Variants in MEOX2 observed in about 807,000 individuals in gnomAD.
The protein encoded by MEOX2 is mesenchyme homeobox 2.
In MEOX2, 11 loss-of-function variants were observed where a neutral mutation model predicts 27.0. That is an observed-to-expected ratio of 0.41 (90% confidence interval 0.26 to 0.68). The LOEUF (loss-of-function observed/expected upper bound fraction) is 0.68, where lower values mean the gene tolerates loss of function less well. Among genes scored for constraint, MEOX2 ranks in the 30% least tolerant of loss-of-function variants. MEOX2 has a pLI of 0.33. For synonymous variants in MEOX2, 189 were observed against 155.4 expected, an observed-to-expected ratio of 1.22 and a Z score of -1.61; for missense variants, 436 against 385.4, an observed-to-expected ratio of 1.13 and a Z score of -1.10.
intron 1 of MEOX2, chr7:15,678,791 G>C (rs1384685355): frequency 6.6e-6 from 1 of 152,174 alleles, no homozygotes; most frequent in Non-Finnish European, 1.5e-5. Context: ...AATTCTACTG[G>C]CATCTGCCAA....
chr7:15,650,195 T>C (rs1174359045), intron 1 of MEOX2, among the ~76,000 whole-genome samples: 1 of 152,066 alleles, frequency 6.6e-6, no homozygotes, highest in African/African-American at 2.4e-5. Flanking sequence ...CTATACTTGC[T>C]TCCTTTTCCA....
chr7:15,620,694 T>C (rs750732231), intron 2 of MEOX2, among the ~76,000 whole-genome samples: 7 of 152,246 alleles, frequency 4.6e-5, no homozygotes, highest in Non-Finnish European at 1.0e-4. Context: ...ATACTTGGCA[T>C]TGGGCCATTT....
chr7:15,648,445 G>A (rs1583766215), intron 1 of MEOX2, among the ~76,000 whole-genome samples: 3 of 152,082 alleles, frequency 2.0e-5, no homozygotes, highest in Non-Finnish European at 2.9e-5. Flanking sequence ...AAGAGAGATT[G>A]TATCTGGAAA....
chr7:15,649,164 T>G (rs565741551), intron 1 of MEOX2, among the ~76,000 whole-genome samples: 1 of 152,222 alleles, frequency 6.6e-6, no homozygotes, highest in South Asian at 2.1e-4. Context: ...TCTTAAACAT[T>G]TCACGGTTTT....
chr7:15,615,484 G>C (rs1781108711), intron 2 of MEOX2, among the ~76,000 whole-genome samples: 1 of 151,922 alleles, frequency 6.6e-6, no homozygotes. Flanking sequence ...CTATCATTCA[G>C]GTAATTCTCC....
chr7:15,614,419 G>GAA (rs111428477), intron 2 of MEOX2, among the ~76,000 whole-genome samples: 56 of 150,334 alleles, frequency 3.7e-4, no homozygotes, highest in African/African-American at 1.3e-3. Context: ...GTCTCAAAAA[G>GAA]AAAAAAAAAG....
At chr7:15,650,797 A>G (rs1051104797) in intron 1 of MEOX2, among the ~76,000 whole-genome samples, 2 of 152,090 alleles carry the variant, frequency 1.3e-5, no homozygotes, top group Non-Finnish European at 2.9e-5. Context: ...TGCTATTAGC[A>G]TGGAGGGATT....
intron 1 of MEOX2, among the ~76,000 whole-genome samples, chr7:15,677,009 T>G (rs2115394941): frequency 6.6e-6 from 1 of 152,216 alleles, no homozygotes; most frequent in Non-Finnish European, 1.5e-5. Flanking sequence ...ATGGAAATCT[T>G]AAGGGTGGGA....
intron 1 of MEOX2, among the ~76,000 whole-genome samples, chr7:15,630,773 A>G (rs1051723700): frequency 2.6e-5 from 4 of 152,054 alleles, no homozygotes; most frequent in Non-Finnish European, 5.9e-5. Flanking sequence ...AGTCAGAAAA[A>G]TTTATGAAAT....
chr7:15,632,351 A>G (rs372814910), intron 1 of MEOX2, among the ~76,000 whole-genome samples: 1 of 151,794 alleles, frequency 6.6e-6, no homozygotes, highest in Non-Finnish European at 1.5e-5. Context: ...TGTTTAGTGA[A>G]GACCCTTATT....
intron 1 of MEOX2, among the ~76,000 whole-genome samples, chr7:15,666,651 C>G (rs1471353492): frequency 6.8e-6 from 1 of 146,960 alleles, no homozygotes; most frequent in East Asian, 2.0e-4. Context: ...ATTTGTGAGG[C>G]TGAGGCAGGA....
chr7:15,684,012 A>G (rs1782336339), intron 1 of MEOX2, among the ~76,000 whole-genome samples: 1 of 152,142 alleles, frequency 6.6e-6, no homozygotes, highest in Non-Finnish European at 1.5e-5. Context: ...AAATTATTCC[A>G]TTTTTTAAAA....
chr7:15,670,304 T>G (rs1289851652), intron 1 of MEOX2, among the ~76,000 whole-genome samples: 1 of 152,252 alleles, frequency 6.6e-6, no homozygotes, highest in Non-Finnish European at 1.5e-5. Context: ...ATGCAAGAAT[T>G]TATCCATGAA....
chr7:15,684,953 A>T (rs770882636), intron 1 of MEOX2, among the ~76,000 whole-genome samples: 33 of 152,270 alleles, frequency 2.2e-4, no homozygotes, highest in Non-Finnish European at 4.3e-4. Flanking sequence ...TGTGCCTTCA[A>T]GCACCAGAGG....
chr7:15,611,843 A>G lies in MEOX2; in HGVS notation c.*544T>C, dbSNP rs1781036440. ...CAGGAAAATGACTTAAGGGTAATAT[A>G]TACAGAGTTAAAATACACTTTTTAT... On this transcript the variant is annotated 3_prime_UTR_variant, in exon 3 of 3. Transcript: ENST00000262041. The G allele has an allele frequency of 6.4e-6, 1 of 155,556 alleles. No homozygotes were observed. The highest frequency in any genetic ancestry group is 2.4e-5 in the African/African-American group (1 of 41,476). 9.6% of individuals were successfully genotyped at this position (155,556 alleles called of 1,614,324 possible).
In MEOX2 at chr7:15,626,715, A is replaced by C. The variant is rs1287022294; in HGVS notation, c.690+31T>G. ...GACTGTGGACCCAGGGCAATTAAAA[A>C]AGATCATATAATGATAATGCCCAGC... On this transcript the variant is annotated intron_variant, in intron 2 of 2. Coordinates refer to ENST00000262041, the MANE Select transcript of MEOX2 (RefSeq NM_005924.5). The C allele has an allele frequency of 3.2e-6, 5 of 1,548,102 alleles. No homozygotes were observed. In the South Asian group the frequency reaches 4.6e-5, roughly 14 times the overall value.
chr7:15,683,575 T>C (rs1401885250), intron 1 of MEOX2, among the ~76,000 whole-genome samples: 1 of 152,096 alleles, frequency 6.6e-6, no homozygotes, highest in Non-Finnish European at 1.5e-5. Context: ...TAAAATATCT[T>C]TGAAGATAAT....
chr7:15,651,205 A>G (rs1781728414), intron 1 of MEOX2, among the ~76,000 whole-genome samples: 1 of 152,014 alleles, frequency 6.6e-6, no homozygotes, highest in Admixed American at 6.6e-5. Flanking sequence ...TGGTATGTAT[A>G]AATGAAATGT....
At chr7:15,678,106 T>C (rs527335598) in intron 1 of MEOX2, among the ~76,000 whole-genome samples, 1 of 152,296 alleles carries the variant, frequency 6.6e-6, no homozygotes, top group African/African-American at 2.4e-5. Flanking sequence ...TCCTGTCATT[T>C]TAATATGTCT....
Sources: gnomAD v4.1 joint callset for allele counts (sites outside exome capture counted in the v4.1 genomes callset) on GRCh38, gnomAD v4.1.1 for gene constraint, MANE v1.5 for transcripts, NCBI Gene and HGNC (gene_info 2026-07-23, HGNC 2026-07-21) for gene names.